CACNA2D1: variants seen among roughly 807,000 people sequenced by gnomAD.
The protein encoded by CACNA2D1 is voltage-dependent calcium channel subunit alpha-2/delta-1.
A neutral mutation model predicts 171.5 loss-of-function variants in CACNA2D1; 53 were observed. The observed-to-expected ratio is 0.31, with a 90% CI of 0.25 to 0.39. The LOEUF (loss-of-function observed/expected upper bound fraction) is 0.39. CACNA2D1 is among the 10% of genes least tolerant of loss of function. The probability of loss-of-function intolerance (pLI) is 1.00; values close to 1 mark genes in which losing one functional copy is unlikely to be tolerated. For synonymous variants in CACNA2D1, 442 were observed against 443.1 expected, an observed-to-expected ratio of 1.00 and a Z score of 0.03; for missense variants, 903 against 1,299.8, an observed-to-expected ratio of 0.69 and a Z score of 4.69.
intron 1 of CACNA2D1, among the ~76,000 whole-genome samples, chr7:82,395,186 A>C (rs1241652673): frequency 8.4e-6 from 1 of 118,974 alleles, no homozygotes; most frequent in African/African-American, 4.0e-5. Flanking sequence ...CACTAAAAAC[A>C]CAACATCAAA....
chr7:82,065,347 T>C lies in CACNA2D1; in HGVS notation c.729-993A>G, dbSNP rs747758117. On this transcript the variant is annotated intron_variant, in intron 8 of 38. Transcript: ENST00000356860. Reference sequence around the variant, plus strand: ...CTGATGCCTAGTATCTTAATGCTGGTCCAGGTATGCCACTCAGTGGGAAGA... The same window carrying C: ...CTGATGCCTAGTATCTTAATGCTGGCCCAGGTATGCCACTCAGTGGGAAGA... Among the ~76,000 whole-genome samples, 51 of 152,218 alleles carry C rather than the reference T, an allele frequency of 3.4e-4. No individual in the cohort carries two copies. The South Asian group carries it at 3.5e-3, about 11-fold the overall frequency.
At chr7:81,960,913 C>T (rs1042284695) in intron 36 of CACNA2D1, among the ~76,000 whole-genome samples, 1 of 152,002 alleles carries the variant, frequency 6.6e-6, no homozygotes, top group African/African-American at 2.4e-5. Context: ...CCTTCCCTTT[C>T]CTCTCCTCTT....
rs189887997 is a variant in CACNA2D1 at position 82,223,120 on chromosome 7, G to A, written c.295-52511C>T. ...AGGGTTTCAACATGTTGGCCAGGCT[G>A]GTCTCGAACTCCTGACCTCAAGTGA... On this transcript the variant is annotated intron_variant, in intron 3 of 38. Transcript: ENST00000356860. Among the ~76,000 whole-genome samples the A allele has an allele frequency of 3.9e-5, 6 of 151,940 alleles. No individual in the cohort carries two copies. In the East Asian group the frequency reaches 1.2e-3, roughly 29 times the overall value.
chr7:82,116,819 T>C (rs1366093743), intron 6 of CACNA2D1, among the ~76,000 whole-genome samples: 2 of 152,226 alleles, frequency 1.3e-5, no homozygotes, highest in South Asian at 2.1e-4. Flanking sequence ...GACCACTCCA[T>C]GGATGCAGGC....
chr7:82,031,122 AT>A lies in CACNA2D1; in HGVS notation c.1143+1674del, dbSNP rs34913034. On this transcript the variant is annotated intron_variant, in intron 12 of 38. Coordinates refer to ENST00000356860, the MANE Select transcript of CACNA2D1 (RefSeq NM_000722.4). Reference sequence around the variant, plus strand: ...ACAGGACACTGTCCCAATACTGTAGATTTTTTTTTTTTAATCCAGAGAGGAA... The same window carrying A: ...ACAGGACACTGTCCCAATACTGTAGATTTTTTTTTTTAATCCAGAGAGGAA... Among the ~76,000 whole-genome samples the A allele has an allele frequency of 2.2e-3, 317 of 146,674 alleles. 1 individual carries two copies. Among genetic ancestry groups the A allele is most frequent in the Middle Eastern group, 7.2e-3 (2 of 278 alleles).
At chr7:82,076,633 C>T (rs1404775853) in intron 7 of CACNA2D1, among the ~76,000 whole-genome samples, 2 of 152,074 alleles carry the variant, frequency 1.3e-5, no homozygotes, top group Non-Finnish European at 2.9e-5. Flanking sequence ...AGCATATCTT[C>T]TGGTCAAGCT....
chr7:82,075,417 T>C (rs1808844407), intron 7 of CACNA2D1, among the ~76,000 whole-genome samples: 2 of 152,168 alleles, frequency 1.3e-5, no homozygotes, highest in Admixed American at 1.3e-4. Flanking sequence ...AGATGTCCCA[T>C]AATGCAGTCA....
intron 1 of CACNA2D1, among the ~76,000 whole-genome samples, chr7:82,433,187 CAAA>C (rs3216244): frequency 1.6e-5 from 2 of 122,962 alleles, no homozygotes; most frequent in Non-Finnish European, 1.7e-5. Context: ...GACTCCATCT[CAAA>C]AAAAAAAAAA....
At chr7:82,129,281 T>C (rs376004715) in intron 5 of CACNA2D1, among the ~76,000 whole-genome samples, 162 of 152,332 alleles carry the variant, frequency 1.1e-3, no homozygotes, top group Non-Finnish European at 2.1e-3. Context: ...GCCTTCCAAA[T>C]CTACAATTAT....
intron 4 of CACNA2D1, among the ~76,000 whole-genome samples, chr7:82,168,092 C>T (rs1309361359): frequency 2.0e-5 from 3 of 152,012 alleles, no homozygotes; most frequent in Non-Finnish European, 4.4e-5. Context: ...TTTGACATCT[C>T]TAAGAATACA....
chr7:82,302,507 C>T (rs1341161247), intron 3 of CACNA2D1, among the ~76,000 whole-genome samples: 7 of 151,428 alleles, frequency 4.6e-5, no homozygotes, highest in African/African-American at 1.5e-4. Flanking sequence ...CTCTGCCTCC[C>T]GGGTTCAGGG....
At chr7:82,415,133 T>G (rs1828038821) in intron 1 of CACNA2D1, among the ~76,000 whole-genome samples, 1 of 152,200 alleles carries the variant, frequency 6.6e-6, no homozygotes. Context: ...GCAGATCCCC[T>G]GTGGTTGCAC....
At chr7:81,978,127 A>G (rs895923735) in intron 24 of CACNA2D1, among the ~76,000 whole-genome samples, 1 of 152,198 alleles carries the variant, frequency 6.6e-6, no homozygotes, top group African/African-American at 2.4e-5. Context: ...GAATGCTTTT[A>G]CACTGTTGGT....
intron 38 of CACNA2D1, among the ~76,000 whole-genome samples, chr7:81,956,370 T>C (rs957204433): frequency 6.6e-6 from 1 of 152,044 alleles, no homozygotes; most frequent in Non-Finnish European, 1.5e-5. Flanking sequence ...CCTATAAATC[T>C]TATCTAAAAA....
chr7:82,262,267 C>A (rs894765790), intron 3 of CACNA2D1, among the ~76,000 whole-genome samples: 3 of 152,164 alleles, frequency 2.0e-5, no homozygotes, highest in South Asian at 2.1e-4. Flanking sequence ...GGACGTGGAG[C>A]TTGCGGTGAG....
At chr7:81,984,781 A>G in intron 21 of CACNA2D1, 70 bp from the exon 22 acceptor site, 3 of 821,542 alleles carry the variant, frequency 3.7e-6, no homozygotes, top group Non-Finnish European at 2.1e-6. Context: ...AAAAAGACAC[A>G]TCAAGTTCAT....
intron 21 of CACNA2D1, among the ~76,000 whole-genome samples, chr7:81,986,379 A>G (rs758789568): frequency 1.1e-4 from 16 of 152,024 alleles, no homozygotes; most frequent in African/African-American, 1.9e-4. Flanking sequence ...TTAATTTTTA[A>G]TAATTTCAAC....
At chr7:82,392,300 C>T (rs1021765279) in intron 1 of CACNA2D1, among the ~76,000 whole-genome samples, 3 of 152,106 alleles carry the variant, frequency 2.0e-5, no homozygotes, top group South Asian at 2.1e-4. Context: ...CCCAGCCACA[C>T]TGAGAGAGAC....
At chr7:82,338,189 A>G (rs2129444668) in intron 2 of CACNA2D1, among the ~76,000 whole-genome samples, 1 of 152,314 alleles carries the variant, frequency 6.6e-6, no homozygotes, top group African/African-American at 2.4e-5. Context: ...CTAAAAAATG[A>G]TATTACTCAA....
Sources: gnomAD v4.1 joint callset for allele counts (sites outside exome capture counted in the v4.1 genomes callset) on GRCh38, gnomAD v4.1.1 for gene constraint, MANE v1.5 for transcripts, NCBI Gene and HGNC (gene_info 2026-07-23, HGNC 2026-07-21) for gene names.